The following NSUN6 variants were observed in gnomAD, a reference collection of about 807,000 sequenced individuals.
The protein encoded by NSUN6 is NOP2/Sun RNA methyltransferase 6.
NSUN6 carries 64 observed loss-of-function variants against 58.0 expected under a neutral mutation model. The observed-to-expected ratio is 1.10, with a 90% CI of 0.90 to 1.36. NSUN6 has a LOEUF of 1.36. Ranked by LOEUF, NSUN6 falls within the 40% of genes most tolerant of loss-of-function variation. The pLI is 0.00. For missense variants in NSUN6, 701 were observed against 550.1 expected, an observed-to-expected ratio of 1.27 and a Z score of -2.74; for synonymous variants, 231 against 193.9, an observed-to-expected ratio of 1.19 and a Z score of -1.59.
chr10:18,632,681 A>G (rs2059075815), intron 3 of NSUN6, among the ~76,000 whole-genome samples: 1 of 152,246 alleles, frequency 6.6e-6, no homozygotes, highest in African/African-American at 2.4e-5. Context: ...GCCATCAGAG[A>G]AATGCAAATC....
upstream of NSUN6, among the ~76,000 whole-genome samples, chr10:18,655,949 G>C (rs2131624452): frequency 6.6e-6 from 1 of 152,298 alleles, no homozygotes; most frequent in South Asian, 2.1e-4. Flanking sequence ...CCTACGGCTA[G>C]TTTGATCTAG....
chr10:18,570,636 T>C (rs1185362333), intron 8 of NSUN6, among the ~76,000 whole-genome samples: 1 of 149,636 alleles, frequency 6.7e-6, no homozygotes, highest in Non-Finnish European at 1.5e-5. Context: ...TTCCATTCCA[T>C]TCTCCATACC....
chr10:18,578,776 T>C (rs193202338), intron 8 of NSUN6, among the ~76,000 whole-genome samples: 13 of 152,276 alleles, frequency 8.5e-5, no homozygotes, highest in Admixed American at 2.0e-4. Flanking sequence ...AAGCTACCTG[T>C]TTTAAAAATG....
At chr10:18,649,852 T>C (rs1005633375) in intron 1 of NSUN6, among the ~76,000 whole-genome samples, 2 of 152,194 alleles carry the variant, frequency 1.3e-5, no homozygotes, top group Admixed American at 6.5e-5. Flanking sequence ...GTGCCTTATA[T>C]TTTAAGTCCC....
At chr10:18,559,873 G>A (rs563203431) in intron 8 of NSUN6, among the ~76,000 whole-genome samples, 9 of 146,632 alleles carry the variant, frequency 6.1e-5, no homozygotes, top group East Asian at 4.3e-4. Flanking sequence ...ATTTGAATGC[G>A]GAATGGAATG....
chr10:18,605,916 C>A (rs1276505299), intron 6 of NSUN6, among the ~76,000 whole-genome samples: 1 of 151,954 alleles, frequency 6.6e-6, no homozygotes. Flanking sequence ...TGGAACAATT[C>A]TATTAAACAA....
chr10:18,565,048 GCTTTCCATGCTCCATTCCATTC>G lies in NSUN6; in HGVS notation c.923-13099_923-13078del, dbSNP rs539369290. On this transcript the variant is annotated intron_variant, in intron 8 of 10. Coordinates refer to ENST00000377304, the MANE Select transcript of NSUN6 (RefSeq NM_182543.5). ...TCCCCACTCCATTCTCCATTTCATT[GCTTTCCATGCTCCATTCCATTC>G]CTTTCCATTCTCCATTACATTACAC... 4.2e-3 allele frequency among the ~76,000 whole-genome samples: 592 copies of G among 139,850 alleles called. 4 individuals carry two copies. Among genetic ancestry groups the G allele is most frequent in the Non-Finnish European group, 6.8e-3 (439 of 64,090 alleles). 91.7% of individuals were successfully genotyped at this position (139,850 alleles called of 152,430 possible). A position where few individuals can be genotyped will look rare whatever the true frequency, so the allele number is the denominator to read the frequency against.
At chr10:18,635,904 G>T (rs748265045) in intron 3 of NSUN6, among the ~76,000 whole-genome samples, 1 of 150,250 alleles carries the variant, frequency 6.7e-6, no homozygotes, top group Admixed American at 6.7e-5. Context: ...AATCAAAATC[G>T]AGCATTACAC....
intron 7 of NSUN6, among the ~76,000 whole-genome samples, chr10:18,587,705 C>T (rs937526308): frequency 2.6e-5 from 4 of 152,098 alleles, no homozygotes; most frequent in Admixed American, 2.0e-4. Context: ...CCTCCCTCCC[C>T]CAGCCAAGAG....
chr10:18,548,926 C>G (rs1177479450), intron 9 of NSUN6, among the ~76,000 whole-genome samples: 1 of 152,190 alleles, frequency 6.6e-6, no homozygotes, highest in African/African-American at 2.4e-5. Context: ...TCTACCTTCA[C>G]ATTCTAGCCA....
rs2054222290 is a variant in NSUN6, at chr10:18,545,880, A to AAAAAAC, written c.*52_*53insGTTTTT. On this transcript the variant is annotated 3_prime_UTR_variant, in exon 11 of 11. Coordinates refer to ENST00000377304, the MANE Select transcript of NSUN6 (RefSeq NM_182543.5). Reference sequence around the variant, plus strand: ...ACAACACTTTGGTTAAAAAAAAAAAAACCACAGACAGCAAATGTTTGGAAT... The same window carrying AAAAAAC: ...ACAACACTTTGGTTAAAAAAAAAAAAAAAAACACCACAGACAGCAAATGTTTGGAAT... 1.8e-6 allele frequency: 2 copies of AAAAAAC among 1,085,344 alleles called. No homozygotes were observed. Among genetic ancestry groups the AAAAAAC allele is most frequent in the Non-Finnish European group, 2.7e-6 (2 of 728,574 alleles). 67.2% of individuals were successfully genotyped at this position (1,085,344 alleles called of 1,614,324 possible).
At chr10:18,619,386 T>C (rs983988486) in intron 3 of NSUN6, among the ~76,000 whole-genome samples, 2 of 152,196 alleles carry the variant, frequency 1.3e-5, no homozygotes, top group African/African-American at 4.8e-5. Flanking sequence ...AAGACCTACT[T>C]TTAATTACTG....
chr10:18,618,068 C>T (rs1193565900), intron 3 of NSUN6, among the ~76,000 whole-genome samples: 1 of 152,196 alleles, frequency 6.6e-6, no homozygotes, highest in African/African-American at 2.4e-5. Context: ...TCCTCCTAAG[C>T]CTTCACATTG....
At chr10:18,556,440 T>C (rs1370282759) in intron 8 of NSUN6, among the ~76,000 whole-genome samples, 1 of 145,362 alleles carries the variant, frequency 6.9e-6, no homozygotes, top group Non-Finnish European at 1.5e-5. Context: ...CTGAATGGAA[T>C]GGAATGCAGA....
At chr10:18,555,972 A>C (rs1165061492) in intron 8 of NSUN6, among the ~76,000 whole-genome samples, 1 of 150,818 alleles carries the variant, frequency 6.6e-6, no homozygotes, top group Non-Finnish European at 1.5e-5. Context: ...TATGGAATGG[A>C]GAATTAAATA....
At chr10:18,557,483 A>T (rs1433490683) in intron 8 of NSUN6, among the ~76,000 whole-genome samples, 2 of 151,144 alleles carry the variant, frequency 1.3e-5, no homozygotes, top group African/African-American at 4.9e-5. Context: ...ATGGAATGGA[A>T]TAGAGCATGG....
Position 18,642,482 on chromosome 10 carries a change from C to G in NSUN6, c.305G>C (p.Gly102Ala). The G allele has an allele frequency of 6.7e-7, 1 of 1,492,974 alleles. No homozygotes were observed. 92.5% of individuals were successfully genotyped at this position (1,492,974 alleles called of 1,614,324 possible). The part of the protein sequence containing the change: ...LQDVLLIPVI[G>A]PRKNIKKQQC... ...AAATGAAGTTCTTACAAACCTGGGT[C>G]CAATAACAGGAATAAGTAACACATC... The change falls in exon 3 of 11, where the codon GGA becomes GCA. Residue 102 changes from glycine to alanine, a missense_variant. By Grantham distance (60) the Gly-to-Ala change is moderately conservative. Transcript: ENST00000377304.
chr10:18,657,151 C>A (rs2059786453), upstream of NSUN6, among the ~76,000 whole-genome samples: 1 of 152,038 alleles, frequency 6.6e-6, no homozygotes, highest in African/African-American at 2.4e-5. Context: ...AGTATTTTTT[C>A]TAACAGATCG....
intron 8 of NSUN6, among the ~76,000 whole-genome samples, chr10:18,560,839 G>C (rs997842687): frequency 3.3e-5 from 5 of 150,392 alleles, no homozygotes; most frequent in African/African-American, 4.9e-5. Flanking sequence ...GAATGGAAGA[G>C]AATGGAATGG....
Sources: allele counts gnomAD v4.1 joint callset (sites outside exome capture counted in the v4.1 genomes callset), GRCh38; gene constraint gnomAD v4.1.1; transcripts MANE v1.5; gene names NCBI Gene and HGNC (gene_info 2026-07-23, HGNC 2026-07-21).